Variants in ZNF804B observed in about 807,000 individuals in gnomAD.
ZNF804B encodes the protein zinc finger protein 804B, also known as zinc finger 804B.
Under a neutral mutation model 101.4 loss-of-function variants are expected in ZNF804B, and 80 were observed. That is an observed-to-expected ratio of 0.79 (90% CI 0.66 to 0.95). ZNF804B has a LOEUF of 0.95. ZNF804B is among the 40% of genes least tolerant of loss of function. The pLI, the probability that ZNF804B is intolerant of heterozygous loss-of-function variation, is 0.00. For synonymous variants in ZNF804B, 622 were observed against 558.8 expected, an observed-to-expected ratio of 1.11 and a Z score of -1.59; for missense variants, 1,673 against 1,561.9, an observed-to-expected ratio of 1.07 and a Z score of -1.20.
intron 1 of ZNF804B, among the ~76,000 whole-genome samples, chr7:89,180,659 C>T (rs1584036443): frequency 6.6e-6 from 1 of 151,876 alleles, no homozygotes; most frequent in South Asian, 2.1e-4. Flanking sequence ...ACAAAGACTT[C>T]TTTACTCCTC....
At chr7:89,328,820 A>C (rs962115616) in intron 3 of ZNF804B, among the ~76,000 whole-genome samples, 1 of 151,906 alleles carries the variant, frequency 6.6e-6, no homozygotes, top group African/African-American at 2.4e-5. Flanking sequence ...AGTCTTAACA[A>C]ATATAATTTT....
chr7:88,920,476 G>T (rs1327521707), intron 1 of ZNF804B, among the ~76,000 whole-genome samples: 1 of 151,868 alleles, frequency 6.6e-6, no homozygotes, highest in Non-Finnish European at 1.5e-5. Flanking sequence ...TTTCAAATTT[G>T]GATTTAGAAA....
At chr7:89,222,560 C>T (rs1250923266) in intron 2 of ZNF804B, among the ~76,000 whole-genome samples, 8 of 151,942 alleles carry the variant, frequency 5.3e-5, no homozygotes, top group Admixed American at 3.9e-4. Flanking sequence ...CTCTTGACTC[C>T]GTTTCCAGAT....
intron 2 of ZNF804B, among the ~76,000 whole-genome samples, chr7:89,235,104 T>G (rs1789260363): frequency 6.6e-6 from 1 of 152,162 alleles, no homozygotes; most frequent in Admixed American, 6.5e-5. Flanking sequence ...CATGTAATTG[T>G]CTCCTTATCT....
chr7:89,151,576 A>T (rs1790876932), intron 1 of ZNF804B, among the ~76,000 whole-genome samples: 1 of 152,054 alleles, frequency 6.6e-6, no homozygotes, highest in African/African-American at 2.4e-5. Flanking sequence ...ATCATTCATT[A>T]TGTGTTTCTG....
intron 1 of ZNF804B, among the ~76,000 whole-genome samples, chr7:89,194,191 T>A (rs1788507232): frequency 6.6e-6 from 1 of 152,184 alleles, no homozygotes; most frequent in African/African-American, 2.4e-5. Flanking sequence ...TTGTTTGAGT[T>A]CATTGTAGAT....
Position 89,138,863 on chromosome 7 carries a change from T to A in ZNF804B, c.109-79292T>A, listed in dbSNP as rs182350693. Among the ~76,000 whole-genome samples the A allele has an allele frequency of 1.6e-4, 25 of 152,260 alleles. No homozygotes were observed. The East Asian group carries it at 4.3e-3, about 26-fold the overall frequency. ...GAGACATGACTTACTCTTCTTTATC[T>A]TCCACCATGATTGTGAGGCTTCCCC... On this transcript the variant is annotated intron_variant, in intron 1 of 3. Transcript: ENST00000333190.
rs115408610 is a variant in ZNF804B, at chr7:89,202,635, C to T, written c.109-15520C>T. ...ATGTATATGTCTTGAGTTTTAGAGA[C>T]ACAAAAATTCTATTCCTTAGACCAA... is the stretch of plus-strand genomic sequence containing the variant. On this transcript the variant is annotated intron_variant, in intron 1 of 3. Coordinates refer to ENST00000333190, the MANE Select transcript of ZNF804B (RefSeq NM_181646.5). Among the ~76,000 whole-genome samples the T allele has an allele frequency of 4.2e-3, 635 of 152,172 alleles. 3 individuals carry two copies. The highest frequency in any genetic ancestry group is 0.015 in the African/African-American group (603 of 41,540).
intron 1 of ZNF804B, among the ~76,000 whole-genome samples, chr7:88,843,457 G>C (rs577160971): frequency 6.6e-6 from 1 of 151,978 alleles, no homozygotes. Context: ...AATAACAAAG[G>C]CTGGGCGCGG....
intron 1 of ZNF804B, among the ~76,000 whole-genome samples, chr7:88,879,023 G>C (rs1378817946): frequency 6.6e-6 from 1 of 152,158 alleles, no homozygotes; most frequent in Non-Finnish European, 1.5e-5. Context: ...GGTTCACGAT[G>C]AAAAGGGAGA....
At chr7:88,937,672 GA>G (rs72429448) in intron 1 of ZNF804B, among the ~76,000 whole-genome samples, 1 of 151,248 alleles carries the variant, frequency 6.6e-6, no homozygotes, top group Admixed American at 6.6e-5. Context: ...ATATCCAAAA[GA>G]AAAAAAATGA....
chr7:89,264,842 A>G (rs972081567), intron 2 of ZNF804B, among the ~76,000 whole-genome samples: 3 of 152,138 alleles, frequency 2.0e-5, no homozygotes, highest in African/African-American at 7.2e-5. Flanking sequence ...GGACACTTTA[A>G]TCTTTATTTT....
At chr7:88,992,886 A>C (rs1362516632) in intron 1 of ZNF804B, among the ~76,000 whole-genome samples, 1 of 152,028 alleles carries the variant, frequency 6.6e-6, no homozygotes, top group African/African-American at 2.4e-5. Context: ...AGTCCTTCTC[A>C]GAGTTCACAG....
chr7:89,301,878 A>G (rs550208263), intron 2 of ZNF804B, among the ~76,000 whole-genome samples: 19 of 151,906 alleles, frequency 1.3e-4, no homozygotes, highest in Non-Finnish European at 2.1e-4. Context: ...TAAAAATTAA[A>G]TAAGATCTTA....
chr7:88,972,939 G>A (rs1264510730), intron 1 of ZNF804B, among the ~76,000 whole-genome samples: 2 of 151,312 alleles, frequency 1.3e-5, no homozygotes, highest in East Asian at 3.9e-4. Flanking sequence ...CCTTAGTATG[G>A]GATTCTGCCC....
At chr7:89,153,480 T>G (rs918162078) in intron 1 of ZNF804B, among the ~76,000 whole-genome samples, 5 of 151,198 alleles carry the variant, frequency 3.3e-5, no homozygotes, top group African/African-American at 1.2e-4. Context: ...CTCTATTTTC[T>G]TTTTCTGAAT....
At chr7:89,183,577 C>T (rs1788331776) in intron 1 of ZNF804B, among the ~76,000 whole-genome samples, 1 of 152,106 alleles carries the variant, frequency 6.6e-6, no homozygotes, top group African/African-American at 2.4e-5. Context: ...ACATTTTTCC[C>T]CTTAGCTTCA....
intron 1 of ZNF804B, among the ~76,000 whole-genome samples, chr7:88,963,628 G>A (rs1225861763): frequency 6.6e-6 from 1 of 151,242 alleles, no homozygotes; most frequent in African/African-American, 2.4e-5. Context: ...TTATTTCTTT[G>A]CTATGACTCC....
chr7:89,312,922 T>C (rs1252947565), intron 2 of ZNF804B, among the ~76,000 whole-genome samples: 1 of 152,162 alleles, frequency 6.6e-6, no homozygotes, highest in Non-Finnish European at 1.5e-5. Flanking sequence ...TTTAATAGAA[T>C]TTAATTATTT....
Sources: allele counts gnomAD v4.1 joint callset (sites outside exome capture counted in the v4.1 genomes callset), GRCh38; gene constraint gnomAD v4.1.1; transcripts MANE v1.5; gene names NCBI Gene and HGNC (gene_info 2026-07-23, HGNC 2026-07-21).